The following PCBP3 variants were observed in gnomAD, a reference collection of about 807,000 sequenced individuals.
PCBP3 encodes the protein poly(rC)-binding protein 3.
A neutral mutation model predicts 52.7 loss-of-function variants in PCBP3; 25 were observed. The ratio of observed to expected loss-of-function variants is 0.47; its 90% CI spans 0.35 to 0.66. The LOEUF is 0.66. Ranked by LOEUF, PCBP3 falls within the 30% of genes least tolerant of loss-of-function variation. PCBP3 has a pLI of 0.01. For synonymous variants in PCBP3, 162 were observed against 183.0 expected (o/e 0.89, Z 0.93); for missense variants, 391 against 490.3 (o/e 0.80, Z 1.91).
chr21:45,751,161 C>G (rs1248538116), intron 3 of PCBP3: 1 of 152,170 alleles, frequency 6.6e-6, no homozygotes, highest in Admixed American at 6.5e-5. Flanking sequence ...GCCGGGTCCT[C>G]CCTCCCACCT....
chr21:45,733,413 A>G (rs1440627567), intron 2 of PCBP3, among the ~76,000 whole-genome samples: 1 of 151,852 alleles, frequency 6.6e-6, no homozygotes, highest in Non-Finnish European at 1.5e-5. Flanking sequence ...CAGCCTCCCA[A>G]GTAGCTGGGA....
chr21:45,789,805 C>T (rs910342400), intron 4 of PCBP3, among the ~76,000 whole-genome samples: 4 of 152,012 alleles, frequency 2.6e-5, no homozygotes, highest in East Asian at 1.9e-4. Context: ...GGACCTGGGC[C>T]GAGTTAGGTT....
intron 14 of PCBP3, 83 bp from the exon 15 acceptor site, chr21:45,930,703 T>C: frequency 2.8e-6 from 2 of 713,086 alleles, no homozygotes; most frequent in East Asian, 2.5e-5. Context: ...GCGCCAGTCA[T>C]ATTTTGAGCT....
intron 4 of PCBP3, among the ~76,000 whole-genome samples, chr21:45,845,518 G>C (rs2093789220): frequency 6.6e-6 from 1 of 151,012 alleles, no homozygotes; most frequent in Non-Finnish European, 1.5e-5. Flanking sequence ...ACACGTTTGT[G>C]AGTGTGTGCC....
At chr21:45,770,643 C>G (rs2089787901) in intron 4 of PCBP3, among the ~76,000 whole-genome samples, 1 of 152,234 alleles carries the variant, frequency 6.6e-6, no homozygotes, top group African/African-American at 2.4e-5. Flanking sequence ...TCACCGGGAT[C>G]TCCTTTAAGG....
At chr21:45,667,678 A>C (rs1184359150) in intron 1 of PCBP3, among the ~76,000 whole-genome samples, 2 of 152,012 alleles carry the variant, frequency 1.3e-5, no homozygotes, top group East Asian at 3.9e-4. Flanking sequence ...AACAGTTTCT[A>C]TTGATTGCTT....
At chr21:45,676,501 AT>A (rs1454254585) in intron 2 of PCBP3, among the ~76,000 whole-genome samples, 1 of 151,918 alleles carries the variant, frequency 6.6e-6, no homozygotes, top group Non-Finnish European at 1.5e-5. Flanking sequence ...TATTTCAAAC[AT>A]TTTCATTATT....
intron 4 of PCBP3, among the ~76,000 whole-genome samples, chr21:45,766,553 C>T (rs990832290): frequency 3.9e-5 from 6 of 152,340 alleles, no homozygotes; most frequent in Non-Finnish European, 8.8e-5. Flanking sequence ...TTCCAGCTTC[C>T]GTGGAAGCCC....
chr21:45,902,989 G>GA (rs2096104754), intron 9 of PCBP3, among the ~76,000 whole-genome samples: 1 of 152,214 alleles, frequency 6.6e-6, no homozygotes, highest in Non-Finnish European at 1.5e-5. Context: ...ATAATCACAG[G>GA]TGGCCTCGTT....
chr21:45,862,643 G>C (rs553746132), intron 5 of PCBP3, among the ~76,000 whole-genome samples: 26 of 152,226 alleles, frequency 1.7e-4, no homozygotes, highest in African/African-American at 6.3e-4. Context: ...GACTTTGCTT[G>C]GTCAGTAAGA....
At chr21:45,694,720 A>G (rs897167235) in intron 2 of PCBP3, among the ~76,000 whole-genome samples, 14 of 152,248 alleles carry the variant, frequency 9.2e-5, no homozygotes, top group African/African-American at 3.1e-4. Context: ...TCTATGTAGC[A>G]GCAGCAGTAA....
At position 45,753,583 on chromosome 21, in the gene PCBP3, C is replaced by G. The variant is rs570453629; in HGVS notation, c.-161-1834C>G. Among the ~76,000 whole-genome samples the G allele has an allele frequency of 2.6e-5, 4 of 152,194 alleles. No individual in the cohort carries two copies. The East Asian group carries it at 7.7e-4, about 29-fold the overall frequency. ...TATAATTTGGACTCCATTCTACCAT[C>G]TTATTTTGGACTTTCTATTTAGCTC... On this transcript the variant is annotated intron_variant, in intron 3 of 17. Transcript: ENST00000681687.
chr21:45,849,851 G>A, intron 4 of PCBP3, 110 bp from the exon 5 acceptor site: 2 of 555,968 alleles, frequency 3.6e-6, no homozygotes, highest in Admixed American at 3.2e-5. Flanking sequence ...GAATGCTGAA[G>A]AGGTGTTGAC....
At chr21:45,698,580 C>G (rs2082926868) in intron 2 of PCBP3, among the ~76,000 whole-genome samples, 1 of 152,238 alleles carries the variant, frequency 6.6e-6, no homozygotes, top group African/African-American at 2.4e-5. Context: ...CGTGAGGTCT[C>G]TGGTCTGGTG....
chr21:45,850,601 G>A (rs2093958011), intron 5 of PCBP3, among the ~76,000 whole-genome samples: 2 of 152,210 alleles, frequency 1.3e-5, no homozygotes, highest in South Asian at 4.1e-4. Context: ...TTGGATGAAT[G>A]AGCAGTTGTG....
chr21:45,660,914 G>A (rs1480827653), intron 1 of PCBP3, among the ~76,000 whole-genome samples: 1 of 152,108 alleles, frequency 6.6e-6, no homozygotes, highest in Admixed American at 6.6e-5. Flanking sequence ...GGTGGTGCAT[G>A]CCTGTAATTG....
At chr21:45,738,513 C>T (rs2086069779) in intron 3 of PCBP3, among the ~76,000 whole-genome samples, 2 of 152,188 alleles carry the variant, frequency 1.3e-5, no homozygotes, top group African/African-American at 4.8e-5. Context: ...CTCGGCCTCC[C>T]AAAGTGCTGG....
chr21:45,909,540 G>A, intron 10 of PCBP3, 54 bp downstream of exon 10: 1 of 1,582,416 alleles, frequency 6.3e-7, no homozygotes, highest in Non-Finnish European at 8.6e-7. Context: ...CGGGCTGCGG[G>A]TGGTGGCCAC....
chr21:45,703,555 T>C (rs2083262776), intron 2 of PCBP3, among the ~76,000 whole-genome samples: 1 of 152,150 alleles, frequency 6.6e-6, no homozygotes, highest in Non-Finnish European at 1.5e-5. Context: ...TGAAGGGCCT[T>C]GGAGGCCGAT....
Sources: allele counts gnomAD v4.1 joint callset (sites outside exome capture counted in the v4.1 genomes callset), GRCh38; gene constraint gnomAD v4.1.1; transcripts MANE v1.5; gene names NCBI Gene and HGNC (gene_info 2026-07-23, HGNC 2026-07-21).